Variants in YJU2 observed in about 807,000 individuals in gnomAD.
The protein encoded by YJU2 is splicing factor YJU2.
YJU2 carries 28 observed loss-of-function variants against 39.6 expected under a neutral mutation model. The ratio of observed to expected loss-of-function variants is 0.71; its 90% CI spans 0.52 to 0.97. YJU2 has a LOEUF of 0.97. Ranked by LOEUF, YJU2 falls within the 50% of genes least tolerant of loss-of-function variation. The pLI is 0.00. For synonymous variants in YJU2, 184 were observed against 182.4 expected (o/e 1.01, Z -0.07); for missense variants, 328 against 430.4 (o/e 0.76, Z 2.11).
chr19:4,247,472 C>T (rs377033497), intron 1 of YJU2: 9 of 266,700 alleles, frequency 3.4e-5, no homozygotes, highest in African/African-American at 1.3e-4. Context: ...TCCTTAAATG[C>T]TGGCGGCCGT....
At chr19:4,247,630 T>C (rs1299277943) in intron 1 of YJU2, among the ~76,000 whole-genome samples, 5,983 of 44,474 alleles carry the variant, frequency 0.13, 1,412 homozygotes, top group South Asian at 0.2. Context: ...TGTGTGTGTG[T>C]GTGTGTGTGT....
intron 6 of YJU2, among the ~76,000 whole-genome samples, chr19:4,266,294 G>A (rs1383337058): frequency 6.6e-6 from 1 of 152,036 alleles, no homozygotes; most frequent in Non-Finnish European, 1.5e-5. Context: ...CTTAGCAGTG[G>A]CCGCCCCTCA....
In YJU2 at chr19:4,247,102, G is replaced by A. The variant is rs1244827408; in HGVS notation, c.-45G>A. 2 of 1,598,790 alleles carry A rather than the reference G, an allele frequency of 1.3e-6. No homozygotes were observed. Among genetic ancestry groups the A allele is most frequent in the East Asian group, 2.2e-5 (1 of 44,840 alleles). ...GTCGGAAAAGCTCGATAATTACCCA[G>A]CCTAACCATTTCTCAGGTGCTTGCG... On this transcript the variant is annotated 5_prime_UTR_variant, in exon 1 of 8. Transcript: ENST00000262962.
intron 3 of YJU2, among the ~76,000 whole-genome samples, chr19:4,252,752 C>T (rs986786499): frequency 6.6e-6 from 1 of 151,778 alleles, no homozygotes; most frequent in East Asian, 1.9e-4. Flanking sequence ...TAGTGAGATC[C>T]CGTCAGTACA....
At chr19:4,251,253 A>G in intron 3 of YJU2, 82 bp downstream of exon 3, 1 of 1,301,458 alleles carries the variant, frequency 7.7e-7, no homozygotes, top group Non-Finnish European at 1.1e-6. Flanking sequence ...CCTTAACTCC[A>G]ATCCTCTCCA....
Position 4,251,176 on chromosome 19 carries a change from G to A in YJU2, c.270+5G>A. 2 of 1,612,736 alleles carry A rather than the reference G, an allele frequency of 1.2e-6. No individual in the cohort carries two copies. The highest frequency in any genetic ancestry group is 1.7e-6 in the Non-Finnish European group (2 of 1,179,192). On this transcript the variant is annotated splice_donor_5th_base_variant and intron_variant, in intron 3 of 7. Coordinates refer to ENST00000262962, the MANE Select transcript of YJU2 (RefSeq NM_018074.6). ...CTGGCAGAGATCACCTTCAAGGTAG[G>A]TGAGACGGCCGGCCAGGCCGGTCCC...
At chr19:4,252,526 C>A (rs2144690032) in intron 3 of YJU2, among the ~76,000 whole-genome samples, 1 of 152,194 alleles carries the variant, frequency 6.6e-6, no homozygotes, top group South Asian at 2.1e-4. Context: ...ATGGCGTGAA[C>A]CCAGGAGGCG....
rs1568359634 is a variant in YJU2, at chr19:4,247,637, GT to G, written c.24+468del. Among the ~76,000 whole-genome samples the G allele has an allele frequency of 2.7e-3, 137 of 51,352 alleles. 11 individuals are homozygous for G. The highest frequency in any genetic ancestry group is 0.011 in the East Asian group (13 of 1,218). The allele number at this position is 51,352 out of a possible 152,430, so 33.7% of individuals were successfully genotyped here. A position where few individuals can be genotyped will look rare whatever the true frequency, so the allele number is the denominator to read the frequency against. ...TGTGTGTGTGTGTGTGTGTGTGTGT[GT>G]GTGTGTGTGTGTGTGTGTGTGTGTG... On this transcript the variant is annotated intron_variant, in intron 1 of 7. Coordinates refer to ENST00000262962, the MANE Select transcript of YJU2 (RefSeq NM_018074.6).
chr19:4,263,050 G>A (rs924991638), intron 6 of YJU2, among the ~76,000 whole-genome samples: 10 of 149,768 alleles, frequency 6.7e-5, no homozygotes, highest in Non-Finnish European at 1.5e-4. Flanking sequence ...CCCCAGCCTG[G>A]GTGACAGAAT....
rs138955469 is a variant in YJU2, at chr19:4,251,036, G to A, written c.135G>A (p.Thr45=). The change falls in exon 3 of 8, where the codon ACG becomes ACA. Residue 45 remains threonine, a synonymous_variant. Coordinates refer to ENST00000262962, the MANE Select transcript of YJU2 (RefSeq NM_018074.6). The part of the protein sequence containing the change: ...LMAPFNMRCK[T]CGEYIYKGKK... ...ACATGCTGCCCCGCAGGTGTAAGAC[G>A]TGCGGAGAATACATCTACAAGGGGA... 2.5e-5 allele frequency: 41 copies of A among 1,614,152 alleles called. No individual in the cohort carries two copies. Among genetic ancestry groups the A allele is most frequent in the African/African-American group, 2.0e-4 (15 of 75,062 alleles).
chr19:4,259,483 G>A (rs1181813436), intron 5 of YJU2, among the ~76,000 whole-genome samples: 2 of 152,096 alleles, frequency 1.3e-5, no homozygotes, highest in African/African-American at 2.4e-5. Flanking sequence ...GGGCTCAAGC[G>A]TTCCTCCTGC....
In YJU2 at chr19:4,262,048, G is replaced by A; in HGVS notation, c.642G>A (p.Glu214=). 6.2e-7 allele frequency: 1 copy of A among 1,613,124 alleles called. No individual in the cohort carries two copies. Among genetic ancestry groups the A allele is most frequent in the Non-Finnish European group, 8.5e-7 (1 of 1,179,958 alleles). Reference sequence around the variant, plus strand: ...GACTGCTGGAGGACTCCGACTCAGAGGATGAGGCTGCTCCCTCGCCCCTGC... The same window carrying A: ...GACTGCTGGAGGACTCCGACTCAGAAGATGAGGCTGCTCCCTCGCCCCTGC... ...KRRLLEDSDS[E]DEAAPSPLQP... The change falls in exon 6 of 8, where the codon GAG becomes GAA. Residue 214 remains glutamate (E), a synonymous_variant. Transcript: ENST00000262962.
chr19:4,252,697 G>A (rs1269213838), intron 3 of YJU2, among the ~76,000 whole-genome samples: 2 of 152,156 alleles, frequency 1.3e-5, no homozygotes, highest in South Asian at 4.1e-4. Flanking sequence ...GGTCAAGGGA[G>A]AAGGATCGCT....
intron 6 of YJU2, among the ~76,000 whole-genome samples, chr19:4,265,655 C>T (rs1971109649): frequency 6.6e-6 from 1 of 151,806 alleles, no homozygotes. Context: ...GTGGCACGGT[C>T]TCGGCTCACT....
Position 4,249,275 on chromosome 19 carries a change from G to C in YJU2, c.72G>C (p.Lys24Asn). Reference sequence around the variant, plus strand: ...ACCCATCAAAGATCCCCAAACTCAAGCTCCCCAAAGACCGGCAGTACGTGG... The same window carrying C: ...ACCCATCAAAGATCCCCAAACTCAACCTCCCCAAAGACCGGCAGTACGTGG... ...DFDPSKIPKLKLPKDRQYVVR... is the reference protein window; with the variant it reads ...DFDPSKIPKLNLPKDRQYVVR... The change falls in exon 2 of 8, where the codon AAG (lysine) becomes AAC (asparagine). Residue 24 changes from lysine to asparagine, a missense_variant. Lys to Asn is a moderately conservative substitution (Grantham distance 94). This residue lies in a region of YJU2 where 84 missense variants were observed against 165.8 expected (regional missense o/e 0.51). Coordinates refer to ENST00000262962, the MANE Select transcript of YJU2 (RefSeq NM_018074.6). 6.2e-7 allele frequency: 1 copy of C among 1,613,790 alleles called. No homozygotes were observed. The highest frequency in any genetic ancestry group is 8.5e-7 in the Non-Finnish European group (1 of 1,179,884).
intron 1 of YJU2, among the ~76,000 whole-genome samples, chr19:4,248,608 G>A (rs773048245): frequency 6.6e-6 from 1 of 152,164 alleles, no homozygotes; most frequent in Non-Finnish European, 1.5e-5. Flanking sequence ...AACAACAGAA[G>A]TGCTAAGCAA....
intron 6 of YJU2, among the ~76,000 whole-genome samples, chr19:4,267,064 C>T (rs934012238): frequency 9.2e-5 from 14 of 152,126 alleles, no homozygotes; most frequent in Admixed American, 5.2e-4. Context: ...TTTCTCAAGG[C>T]GGCTTCCTCC....
At chr19:4,263,797 G>C (rs1180410877) in intron 6 of YJU2, among the ~76,000 whole-genome samples, 1 of 135,326 alleles carries the variant, frequency 7.4e-6, no homozygotes, top group Non-Finnish European at 1.5e-5. Flanking sequence ...GCAACAGAGT[G>C]AGACTCTATC....
At chr19:4,251,206 C>T in intron 3 of YJU2, 35 bp downstream of exon 3, 1 of 1,606,596 alleles carries the variant, frequency 6.2e-7, no homozygotes, top group Non-Finnish European at 8.5e-7. Flanking sequence ...GGTCCCTCTC[C>T]CCCAGCACAC....
Sources: gnomAD v4.1 joint callset for allele counts (sites outside exome capture counted in the v4.1 genomes callset) on GRCh38, gnomAD v4.1.1 for gene constraint, gnomAD v4.1.1 regional missense constraint, MANE v1.5 for transcripts, NCBI Gene and HGNC (gene_info 2026-07-23, HGNC 2026-07-21) for gene names.